MYOM1: variants seen among roughly 807,000 people sequenced by gnomAD.
MYOM1 encodes myomesin-1.
A neutral mutation model predicts 205.3 loss-of-function variants in MYOM1; 164 were observed. That is an observed-to-expected ratio of 0.80 (90% CI 0.70 to 0.91). The LOEUF is 0.91. MYOM1 is among the 40% of genes least tolerant of loss of function. MYOM1 has a pLI of 0.00. For missense variants in MYOM1, 2,011 were observed against 2,127.3 expected (o/e 0.95, Z 1.08); for synonymous variants, 772 against 789.4 (o/e 0.98, Z 0.37).
rs1345872741 is a variant in MYOM1, at chr18:3,100,163, G to C, written c.3723C>G (p.Phe1241Leu). The change falls in exon 25 of 38, where the codon TTC becomes TTG. Residue 1241 changes from phenylalanine to leucine, a missense_variant. Coordinates refer to ENST00000356443, the MANE Select transcript of MYOM1 (RefSeq NM_003803.4). Reference sequence around the variant, plus strand: ...GAATGTATTGTGGATACTTACTTGGGAACTTGTGTTCATGGCTGAGAGCAA... The same window carrying C: ...GAATGTATTGTGGATACTTACTTGGCAACTTGTGTTCATGGCTGAGAGCAA... Reference protein sequence around the residue: ...RLLALSHEHKFPTVPVKSELA... With the variant: ...RLLALSHEHKLPTVPVKSELA... The C allele has an allele frequency of 1.2e-6, 2 of 1,613,836 alleles. No individual in the cohort carries two copies. Among genetic ancestry groups the C allele is most frequent in the Admixed American group, 1.7e-5 (1 of 60,020 alleles).
chr18:3,197,184 T>G lies in MYOM1; in HGVS notation c.291-3226A>C, dbSNP rs140086409. Reference sequence around the variant, plus strand: ...CGGAGTCTCACTCTGTCACCCAGGCTGGAGTGCAATGGCGCGATCTCGGCT... The same window carrying G: ...CGGAGTCTCACTCTGTCACCCAGGCGGGAGTGCAATGGCGCGATCTCGGCT... On this transcript the variant is annotated intron_variant, in intron 2 of 37. Coordinates refer to ENST00000356443, the MANE Select transcript of MYOM1 (RefSeq NM_003803.4). Among the ~76,000 whole-genome samples, 759 of 150,862 alleles carry G rather than the reference T, an allele frequency of 5.0e-3. 9 individuals are homozygous for G. Among genetic ancestry groups the G allele is most frequent in the African/African-American group, 0.018 (724 of 40,974 alleles).
At chr18:3,168,717 T>A in intron 9 of MYOM1, 100 bp downstream of exon 9, 1 of 1,272,848 alleles carries the variant, frequency 7.9e-7, no homozygotes, top group South Asian at 1.4e-5. Flanking sequence ...AGGTAGTCCC[T>A]TCTAACTTCC....
intron 2 of MYOM1, among the ~76,000 whole-genome samples, chr18:3,210,972 T>C (rs1374696037): frequency 6.6e-6 from 1 of 152,320 alleles, no homozygotes; most frequent in East Asian, 1.9e-4. Flanking sequence ...CTGAATTACG[T>C]CATATAGGCT....
At chr18:3,102,757 A>G (rs2079398579) in intron 22 of MYOM1, 127 bp from the exon 23 acceptor site, 1 of 920,362 alleles carries the variant, frequency 1.1e-6, no homozygotes, top group Non-Finnish European at 1.6e-6. Flanking sequence ...GAAAAGCTTC[A>G]CTACTCATGC....
intron 22 of MYOM1, among the ~76,000 whole-genome samples, chr18:3,108,956 C>T (rs868621514): frequency 1.3e-5 from 2 of 151,784 alleles, no homozygotes; most frequent in Middle Eastern, 3.4e-3. Flanking sequence ...CTACCTATAA[C>T]ATCCTCCTCA....
chr18:3,186,855 AAAGG>A lies in MYOM1; in HGVS notation c.929+621_929+624del, dbSNP rs879645235. Among the ~76,000 whole-genome samples the A allele has an allele frequency of 2.4e-3, 365 of 150,736 alleles. 2 individuals are homozygous for A. Among genetic ancestry groups the A allele is most frequent in the Middle Eastern group, 0.014 (4 of 290 alleles). ...GAAAGAAGAGAAAAGAAAGAAAGGG[AAAGG>A]AAGGAAGGAAGGGAGAGAGAGAAAG... On this transcript the variant is annotated intron_variant, in intron 5 of 37. Coordinates refer to ENST00000356443, the MANE Select transcript of MYOM1 (RefSeq NM_003803.4).
chr18:3,231,221 T>A, the MYOM1 span, among the ~76,000 whole-genome samples: 1 of 152,182 alleles, frequency 6.6e-6, no homozygotes, highest in Non-Finnish European at 1.5e-5. Context: ...GAATTTGAAT[T>A]TGAAAAGACT....
At chr18:3,070,223 A>G (rs1014946339) in intron 37 of MYOM1, among the ~76,000 whole-genome samples, 1 of 152,154 alleles carries the variant, frequency 6.6e-6, no homozygotes, top group Non-Finnish European at 1.5e-5. Flanking sequence ...GTCATGACTC[A>G]CTGCAGCTTT....
At chr18:3,194,345 T>C (rs2080963850) in intron 2 of MYOM1, among the ~76,000 whole-genome samples, 1 of 152,236 alleles carries the variant, frequency 6.6e-6, no homozygotes, top group Non-Finnish European at 1.5e-5. Flanking sequence ...GGGAGCTTAT[T>C]TAAAATGCAT....
intron 14 of MYOM1, among the ~76,000 whole-genome samples, chr18:3,138,916 G>A (rs2143929114): frequency 6.6e-6 from 1 of 152,234 alleles, no homozygotes; most frequent in South Asian, 2.1e-4. Flanking sequence ...TCTCAGTTCT[G>A]TGTTTTACCA....
chr18:3,073,569 G>A lies in MYOM1; in HGVS notation c.4709-1680C>T, dbSNP rs939611297. Among the ~76,000 whole-genome samples the A allele has an allele frequency of 2.0e-5, 3 of 152,132 alleles. No homozygotes were observed. In the South Asian group the frequency reaches 6.2e-4, roughly 32 times the overall value. Reference sequence around the variant, plus strand: ...CTGTGTGACATGCTGTGTGATACTGGGCCAGTCACTTCACTGTGTTGGCCT... The same window carrying A: ...CTGTGTGACATGCTGTGTGATACTGAGCCAGTCACTTCACTGTGTTGGCCT... On this transcript the variant is annotated intron_variant, in intron 36 of 37. Transcript: ENST00000356443.
intron 36 of MYOM1, among the ~76,000 whole-genome samples, chr18:3,074,289 G>A (rs1198654117): frequency 6.6e-6 from 1 of 152,142 alleles, no homozygotes; most frequent in African/African-American, 2.4e-5. Flanking sequence ...TGAGCAGGAG[G>A]GGGAAAGTGG....
intron 22 of MYOM1, among the ~76,000 whole-genome samples, chr18:3,108,791 G>A (rs1382568541): frequency 2.6e-5 from 4 of 151,788 alleles, no homozygotes; most frequent in Admixed American, 6.6e-5. Flanking sequence ...CGCCTGTCTT[G>A]GCCTCCCAAA....
chr18:3,071,102 G>A (rs2078954516), intron 37 of MYOM1, among the ~76,000 whole-genome samples: 1 of 151,680 alleles, frequency 6.6e-6, no homozygotes, highest in South Asian at 2.1e-4. Context: ...CTGTCACAGG[G>A]GAAAAAAATT....
chr18:3,205,631 T>C (rs767542438), intron 2 of MYOM1, among the ~76,000 whole-genome samples: 2 of 152,192 alleles, frequency 1.3e-5, no homozygotes, highest in African/African-American at 4.8e-5. Context: ...GGTAAAACAG[T>C]ACAACCACTT....
At chr18:3,153,100 C>T in intron 11 of MYOM1, among the ~76,000 whole-genome samples, 1 of 152,188 alleles carries the variant, frequency 6.6e-6, no homozygotes, top group East Asian at 1.9e-4. Context: ...TCTGCCAGGA[C>T]TCAGCCTCTT....
At chr18:3,173,435 A>G (rs68062678) in intron 8 of MYOM1, among the ~76,000 whole-genome samples, 49,185 of 152,010 alleles carry the variant, frequency 0.32, 8,114 homozygotes, top group African/African-American at 0.37. Flanking sequence ...ATGAGGTGCC[A>G]TGGCCTCACC....
At chr18:3,095,969 T>C (rs975848344) in intron 25 of MYOM1, among the ~76,000 whole-genome samples, 1 of 152,180 alleles carries the variant, frequency 6.6e-6, no homozygotes, top group Non-Finnish European at 1.5e-5. Flanking sequence ...AAACTTACTA[T>C]GTGAGTGAGG....
chr18:3,187,454 T>C (rs747851423), intron 5 of MYOM1, 26 bp downstream of exon 5: 3 of 1,606,768 alleles, frequency 1.9e-6, no homozygotes, highest in Non-Finnish European at 2.6e-6. Context: ...TAATGAATTC[T>C]GTTAGCTTTC....
Sources: gnomAD v4.1 joint callset for allele counts (sites outside exome capture counted in the v4.1 genomes callset) on GRCh38, gnomAD v4.1.1 for gene constraint, MANE v1.5 for transcripts, NCBI Gene and HGNC (gene_info 2026-07-23, HGNC 2026-07-21) for gene names.